Variants in ERCC2 observed in about 807,000 individuals in gnomAD.
The protein encoded by ERCC2 is general transcription and DNA repair factor IIH helicase subunit XPD.
Under a neutral mutation model 99.4 loss-of-function variants are expected in ERCC2, and 90 were observed. The observed-to-expected ratio is 0.91, with a 90% confidence interval of 0.76 to 1.08. ERCC2 has a LOEUF of 1.08. Among genes scored for constraint, ERCC2 ranks in the 50% least tolerant of loss-of-function variants. ERCC2 has a pLI of 0.00. For synonymous variants in ERCC2, 497 were observed against 432.4 expected (o/e 1.15, Z -1.85); for missense variants, 993 against 1,038.1 (o/e 0.96, Z 0.60).
In ERCC2 at chr19:45,354,686, G is replaced by C. The variant is rs776037566; in HGVS notation, c.1665+44C>G. ...AAGCTGACATAGCGGTGCAGTGCCA[G>C]GGACTGAGGAGAGCAGGTGCAGGGA... On this transcript the variant is annotated intron_variant, in intron 17 of 22. Coordinates refer to ENST00000391945, the MANE Select transcript of ERCC2 (RefSeq NM_000400.4). 3.1e-6 allele frequency: 5 copies of C among 1,611,570 alleles called. No individual in the cohort carries two copies. The Admixed American group carries it at 8.3e-5, about 27-fold the overall frequency.
At chr19:45,360,379 GCC>G (rs1192298289) in intron 12 of ERCC2, among the ~76,000 whole-genome samples, 2 of 99,722 alleles carry the variant, frequency 2.0e-5, no homozygotes, top group Admixed American at 9.7e-5. Context: ...ACCACGCCCG[GCC>G]TTTTTTTTTT....
In ERCC2 at chr19:45,354,767, T is replaced by G. The variant is rs587778270; in HGVS notation, c.1628A>C (p.Gln543Pro). The change falls in exon 17 of 23, where the codon CAG becomes CCG. Residue 543 changes from glutamine to proline, a missense_variant. Physicochemically the swap from Gln to Pro is moderately conservative, Grantham distance 76. Transcript: ENST00000391945. ...GGAGGCCACGGTGCTCTCCATGTACTGGTAGCTGGTGAAGAAGGCCACGAT... is the reference window on the plus strand; with the variant it reads ...GGAGGCCACGGTGCTCTCCATGTACGGGTAGCTGGTGAAGAAGGCCACGAT... ...DGIVAFFTSYQYMESTVASWY... is the reference protein window; with the variant it reads ...DGIVAFFTSYPYMESTVASWY... 1 of 1,614,074 alleles carries G rather than the reference T, an allele frequency of 6.2e-7. No homozygotes were observed. Among genetic ancestry groups the G allele is most frequent in the East Asian group, 2.2e-5 (1 of 44,882 alleles).
chr19:45,352,437 A>AAAT, intron 21 of ERCC2, 69 bp downstream of exon 21: 1 of 1,613,862 alleles, frequency 6.2e-7, no homozygotes, highest in Non-Finnish European at 8.5e-7. Context: ...CCCACCTGGG[A>AAAT]AATGAACGGG....
At position 45,350,148 on chromosome 19, in the gene ERCC2, G is replaced by A. The variant is rs368504651; in HGVS notation, c.*1481C>T. 11 of 591,758 alleles carry A rather than the reference G, an allele frequency of 1.9e-5. No individual in the cohort carries two copies. The highest frequency in any genetic ancestry group is 4.1e-5 in the South Asian group (2 of 49,068). The allele number at this position is 591,758 out of a possible 1,614,324, so 36.7% of individuals were successfully genotyped here. A position where few individuals can be genotyped will look rare whatever the true frequency, so the allele number is the denominator to read the frequency against. Reference sequence around the variant, plus strand: ...AGCACATTAGAAAGTGGGGCCAGACGTGGTGGTTCACGCTTGTAACCCCAA... The same window carrying A: ...AGCACATTAGAAAGTGGGGCCAGACATGGTGGTTCACGCTTGTAACCCCAA... On this transcript the variant is annotated 3_prime_UTR_variant, in exon 23 of 23. Transcript: ENST00000391945.
chr19:45,350,854 CCT>C lies in ERCC2; in HGVS notation c.*773_*774del, dbSNP rs1971723769. 2 of 1,440,982 alleles carry C rather than the reference CCT, an allele frequency of 1.4e-6. No individual in the cohort carries two copies. The highest frequency in any genetic ancestry group is 1.9e-6 in the Non-Finnish European group (2 of 1,031,810). 89.3% of individuals were successfully genotyped at this position (1,440,982 alleles called of 1,614,324 possible). ...AGAACCTTCCATGGCTCCCATCTCCCCTGTGATACACACAGATCAAACCCTGT... is the reference window on the plus strand; with the variant it reads ...AGAACCTTCCATGGCTCCCATCTCCCGTGATACACACAGATCAAACCCTGT... On this transcript the variant is annotated 3_prime_UTR_variant, in exon 23 of 23. Coordinates refer to ENST00000391945, the MANE Select transcript of ERCC2 (RefSeq NM_000400.4).
chr19:45,350,187 C>T lies in ERCC2; in HGVS notation c.*1442G>A, dbSNP rs1971658324. On this transcript the variant is annotated 3_prime_UTR_variant, in exon 23 of 23. Coordinates refer to ENST00000391945, the MANE Select transcript of ERCC2 (RefSeq NM_000400.4). ...TTGTAACCCCAACACTTTGGGAGGC[C>T]AAGGCAGGAGGATCACTTGAGGCTA... is the stretch of plus-strand genomic sequence containing the variant. 2 of 627,280 alleles carry T rather than the reference C, an allele frequency of 3.2e-6. No individual in the cohort carries two copies. The highest frequency in any genetic ancestry group is 2.7e-5 in the East Asian group (1 of 36,590). The allele number at this position is 627,280 out of a possible 1,614,324, so 38.9% of individuals were successfully genotyped here. A position where few individuals can be genotyped will look rare whatever the true frequency, so the allele number is the denominator to read the frequency against.
rs376909138 is a variant in ERCC2, at chr19:45,351,273, T to G, written c.*356A>C. 1.3e-5 allele frequency: 21 copies of G among 1,611,870 alleles called. No individual in the cohort carries two copies. The African/African-American group carries it at 2.7e-4, about 21-fold the overall frequency. ...TCACCTCCCCTCCAACCATCCCCTGTGCCTGTCTCCAGTTTCCCAGCTGGC... is the reference window on the plus strand; with the variant it reads ...TCACCTCCCCTCCAACCATCCCCTGGGCCTGTCTCCAGTTTCCCAGCTGGC... On this transcript the variant is annotated 3_prime_UTR_variant, in exon 23 of 23. Transcript: ENST00000391945.
rs1434885924 is a variant in ERCC2 at position 45,368,815 on chromosome 19, A to G, written c.247-72T>C. 4 of 1,555,102 alleles carry G rather than the reference A, an allele frequency of 2.6e-6. No individual in the cohort carries two copies. The African/African-American group carries it at 5.4e-5, about 21-fold the overall frequency. Reference sequence around the variant, plus strand: ...ACAAACCCCTGCCCTGCCAGGTCCCAGTCTCTTCCCCAGCTTCCCAAACAC... The same window carrying G: ...ACAAACCCCTGCCCTGCCAGGTCCCGGTCTCTTCCCCAGCTTCCCAAACAC... On this transcript the variant is annotated intron_variant, in intron 4 of 22. Transcript: ENST00000391945.
At chr19:45,352,904 T>TG in intron 19 of ERCC2, 88 bp from the exon 20 acceptor site, 4 of 1,350,604 alleles carry the variant, frequency 3.0e-6, no homozygotes, top group Non-Finnish European at 4.2e-6. Flanking sequence ...ATGCTGTGTC[T>TG]GAGTTGGGGG....
chr19:45,361,352 A>G (rs371839388), intron 12 of ERCC2, among the ~76,000 whole-genome samples, 172 bp downstream of exon 12: 1 of 152,074 alleles, frequency 6.6e-6, no homozygotes, highest in African/African-American at 2.4e-5. Context: ...TCTGAGCACA[A>G]GGCTTACTCA....
intron 15 of ERCC2, among the ~76,000 whole-genome samples, chr19:45,356,669 G>C (rs1003529193): frequency 2.6e-5 from 4 of 152,168 alleles, no homozygotes; most frequent in African/African-American, 7.2e-5. Context: ...AATTAGCTGG[G>C]CATCGTGGCA....
At chr19:45,366,034 G>C (rs1972415489) in intron 5 of ERCC2, among the ~76,000 whole-genome samples, 2 of 151,796 alleles carry the variant, frequency 1.3e-5, no homozygotes, top group South Asian at 4.2e-4. Context: ...ATGAGGTCTT[G>C]CTATGTTGCC....
Position 45,352,366 on chromosome 19 carries a change from C to T in ERCC2, c.2047-14G>A, listed in dbSNP as rs374801728. ...ACGGGCAAACCGCTGTGGGCAGAAG[C>T]GCAGGCCAGGGACAGAAGGTCATTC... On this transcript the variant is annotated splice_polypyrimidine_tract_variant and intron_variant, in intron 21 of 22. Transcript: ENST00000391945. The T allele has an allele frequency of 7.4e-6, 12 of 1,613,752 alleles. No individual in the cohort carries two copies. Among genetic ancestry groups the T allele is most frequent in the South Asian group, 3.3e-5 (3 of 91,086 alleles).
rs774787128 is a variant in ERCC2, at chr19:45,350,706, G to A, written c.*923C>T. 6.2e-7 allele frequency: 1 copy of A among 1,613,638 alleles called. No homozygotes were observed. The highest frequency in any genetic ancestry group is 8.5e-7 in the Non-Finnish European group (1 of 1,179,904). On this transcript the variant is annotated 3_prime_UTR_variant, in exon 23 of 23. Coordinates refer to ENST00000391945, the MANE Select transcript of ERCC2 (RefSeq NM_000400.4). Reference sequence around the variant, plus strand: ...CTATCAGGCGAGGAAGTGAGAAGCTGGTCTCCCGGCTCCGAGGCGAGGCGG... The same window carrying A: ...CTATCAGGCGAGGAAGTGAGAAGCTAGTCTCCCGGCTCCGAGGCGAGGCGG...
At position 45,353,090 on chromosome 19, in the gene ERCC2, G is replaced by C. The variant is rs755145728; in HGVS notation, c.1824C>G (p.Ile608Met). ...SVARGKVSEG[I>M]DFVHHYGRAV... ...AGAGCCCAGTCCACTCACCAAAGTC[G>C]ATTCCCTCGGACACTTTGCCCCGGG... Residue 608 changes from isoleucine (I) to methionine (M), a missense_variant, in exon 19 of 23, where the codon ATC becomes ATG. By Grantham distance (10) the Ile-to-Met change is conservative. Transcript: ENST00000391945. The C allele has an allele frequency of 2.5e-6, 4 of 1,612,766 alleles. No homozygotes were observed. Among genetic ancestry groups the C allele is most frequent in the Non-Finnish European group, 3.4e-6 (4 of 1,179,724 alleles).
At chr19:45,358,712 T>C (rs1161874632) in intron 12 of ERCC2, 4 of 691,504 alleles carry the variant, frequency 5.8e-6, no homozygotes, top group East Asian at 2.7e-5. Context: ...CGAGAGGCCC[T>C]CCCCAGCCAC....
At chr19:45,367,597 A>C (rs1280103736) in intron 5 of ERCC2, among the ~76,000 whole-genome samples, 1 of 149,764 alleles carries the variant, frequency 6.7e-6, no homozygotes, top group Admixed American at 6.7e-5. Context: ...GGCTCACTGC[A>C]ACCTCCCCCT....
intron 12 of ERCC2, among the ~76,000 whole-genome samples, chr19:45,360,381 C>CTT (rs57458623): frequency 2.2e-5 from 3 of 134,570 alleles, no homozygotes; most frequent in African/African-American, 5.7e-5. Flanking sequence ...CACGCCCGGC[C>CTT]TTTTTTTTTT....
Position 45,350,069 on chromosome 19 carries a change from A to C in ERCC2, c.*1560T>G. 1 of 492,294 alleles carries C rather than the reference A, an allele frequency of 2.0e-6. No homozygotes were observed. Among genetic ancestry groups the C allele is most frequent in the Non-Finnish European group, 3.6e-6 (1 of 274,750 alleles). 30.5% of individuals were successfully genotyped at this position (492,294 alleles called of 1,614,324 possible). A position where few individuals can be genotyped will look rare whatever the true frequency, so the allele number is the denominator to read the frequency against. Reference sequence around the variant, plus strand: ...GGGCAGGAAGTAAGGCCGAGCTCCAAACCCACTCTGCCCCAGGGCAAGGCT... The same window carrying C: ...GGGCAGGAAGTAAGGCCGAGCTCCACACCCACTCTGCCCCAGGGCAAGGCT... On this transcript the variant is annotated 3_prime_UTR_variant, in exon 23 of 23. Coordinates refer to ENST00000391945, the MANE Select transcript of ERCC2 (RefSeq NM_000400.4).
Sources: allele counts gnomAD v4.1 joint callset (sites outside exome capture counted in the v4.1 genomes callset), GRCh38; gene constraint gnomAD v4.1.1; transcripts MANE v1.5; gene names NCBI Gene and HGNC (gene_info 2026-07-23, HGNC 2026-07-21).